The following TMEM144 variants were observed in gnomAD, a reference collection of about 807,000 sequenced individuals.
TMEM144 encodes the protein transmembrane protein 144.
Under a neutral mutation model 43.6 loss-of-function variants are expected in TMEM144, and 39 were observed. The observed-to-expected ratio is 0.90, with a 90% confidence interval of 0.69 to 1.17. The LOEUF (loss-of-function observed/expected upper bound fraction) is 1.17, where lower values mean the gene tolerates loss of function less well. TMEM144 is among the 50% of genes most tolerant of loss of function. The pLI is 0.00. For missense variants in TMEM144, 417 were observed against 411.9 expected (o/e 1.01, Z -0.11); for synonymous variants, 154 against 133.6 (o/e 1.15, Z -1.06).
At chr4:158,248,386 T>G (rs1261037398) in intron 12 of TMEM144, among the ~76,000 whole-genome samples, 1 of 152,142 alleles carries the variant, frequency 6.6e-6, no homozygotes, top group Non-Finnish European at 1.5e-5. Context: ...GAGCCAAGAT[T>G]GCACTCTGGC....
Position 158,217,317 on chromosome 4 carries a change from A to C in TMEM144, c.233-4A>C, listed in dbSNP as rs1372287366. On this transcript the variant is annotated splice_region_variant and splice_polypyrimidine_tract_variant and intron_variant, in intron 4 of 12. Transcript: ENST00000296529. ...CATGTTTCTTCTGTATATTACATCTACAGGGAACATTGCTGTTGTCCCAAT... is the reference window on the plus strand; with the variant it reads ...CATGTTTCTTCTGTATATTACATCTCCAGGGAACATTGCTGTTGTCCCAAT... 3 of 1,594,222 alleles carry C rather than the reference A, an allele frequency of 1.9e-6. No homozygotes were observed. The highest frequency in any genetic ancestry group is 2.6e-6 in the Non-Finnish European group (3 of 1,162,718).
At chr4:158,216,829 C>CAAA (rs111451438) in intron 4 of TMEM144, among the ~76,000 whole-genome samples, 86 of 133,094 alleles carry the variant, frequency 6.5e-4, no homozygotes, top group African/African-American at 2.3e-3. Flanking sequence ...GGACTTGAGA[C>CAAA]AAAAAAAAAA....
chr4:158,233,214 C>G (rs974144920), intron 7 of TMEM144: 5 of 357,920 alleles, frequency 1.4e-5, no homozygotes, highest in Admixed American at 4.4e-5. Flanking sequence ...CAGATCTCTA[C>G]TAGGTGATAT....
chr4:158,215,025 G>A (rs973805681), intron 3 of TMEM144, among the ~76,000 whole-genome samples, 166 bp from the exon 4 acceptor site: 2 of 152,170 alleles, frequency 1.3e-5, no homozygotes, highest in Non-Finnish European at 1.5e-5. Context: ...TTGAGCTAGG[G>A]TTAATTATGT....
chr4:158,250,347 C>A (rs1736141535), intron 12 of TMEM144, among the ~76,000 whole-genome samples: 1 of 151,944 alleles, frequency 6.6e-6, no homozygotes, highest in African/African-American at 2.4e-5. Flanking sequence ...ATTTATTACA[C>A]AAATTTACCT....
intron 6 of TMEM144, among the ~76,000 whole-genome samples, chr4:158,230,507 G>T (rs1735022502): frequency 6.6e-6 from 1 of 151,998 alleles, no homozygotes; most frequent in Admixed American, 6.5e-5. Context: ...AAACACACAG[G>T]TCTATACAGA....
chr4:158,217,240 GTTAGAATAAAAACTAATTCTAT>G, intron 4 of TMEM144, 59 bp from the exon 5 acceptor site: 3 of 982,242 alleles, frequency 3.1e-6, no homozygotes, highest in Non-Finnish European at 4.4e-6. Context: ...TTCAGTTGAA[GTTAGAATAAAAACTAATTCTAT>G]TTATAAATGT....
At chr4:158,232,533 A>G (rs1323902078) in intron 6 of TMEM144, among the ~76,000 whole-genome samples, 1 of 152,254 alleles carries the variant, frequency 6.6e-6, no homozygotes, top group Non-Finnish European at 1.5e-5. Context: ...TCTGTCCCCT[A>G]GCGTTTGTCC....
intron 6 of TMEM144, 74 bp from the exon 7 acceptor site, chr4:158,232,827 T>C: frequency 9.6e-7 from 1 of 1,043,512 alleles, no homozygotes; most frequent in Non-Finnish European, 1.4e-6. Context: ...GTGTGTGTTT[T>C]TTTCTTAAAA....
At position 158,212,747 on chromosome 4, in the gene TMEM144, T is replaced by A. The variant is rs780146189; in HGVS notation, c.80T>A (p.Val27Glu). Residue 27 changes from valine (V) to glutamate (E), a missense_variant, in exon 3 of 13, where the codon GTG (valine) becomes GAG (glutamate). Physicochemically the swap from Val to Glu is moderately radical, Grantham distance 121 (BLOSUM62 -2). Coordinates refer to ENST00000296529, the MANE Select transcript of TMEM144 (RefSeq NM_018342.5). ...ATCCTTTTGTTTGGCTCAAATTTTG[T>A]GCCACTTAAAAAATTTGATACTGGT... ...VAILLFGSNF[V>E]PLKKFDTGDG... 8.1e-6 allele frequency: 13 copies of A among 1,613,754 alleles called. No homozygotes were observed. In the South Asian group the frequency reaches 1.3e-4, roughly 16 times the overall value.
chr4:158,226,852 T>A (rs1249198846), intron 6 of TMEM144, among the ~76,000 whole-genome samples: 1 of 152,146 alleles, frequency 6.6e-6, no homozygotes, highest in Non-Finnish European at 1.5e-5. Context: ...ATTTACCATA[T>A]AATACTCTTT....
At position 158,237,633 on chromosome 4, in the gene TMEM144, A is replaced by G; in HGVS notation, c.672A>G (p.Ala224=). 6.2e-7 allele frequency: 1 copy of G among 1,605,652 alleles called. No homozygotes were observed. Among genetic ancestry groups the G allele is most frequent in the Non-Finnish European group, 8.5e-7 (1 of 1,173,446 alleles). ...GAAATGATAGTATATATGCAGGGGC[A>G]AGCCAATATGGTGAGAATAAAAAGT... ...SKRNDSIYAG[A]SQYDLDYVFA... is the part of the protein sequence containing the mutation. Residue 224 remains alanine (A), a synonymous_variant, in exon 9 of 13, where the codon GCA becomes GCG. Coordinates refer to ENST00000296529, the MANE Select transcript of TMEM144 (RefSeq NM_018342.5).
chr4:158,236,338 A>T (rs1339497525), intron 8 of TMEM144, among the ~76,000 whole-genome samples: 2 of 152,244 alleles, frequency 1.3e-5, no homozygotes, highest in Non-Finnish European at 2.9e-5. Context: ...TTTGCGTCAG[A>T]ATAAAACCAA....
Position 158,219,426 on chromosome 4 carries a change from A to G in TMEM144, c.413+36A>G, listed in dbSNP as rs376689671. ...ATTTCTAGTGATTTTGCTGTTCTTC[A>G]AAACATGGAGAGTGCTTTTTTAAGG... On this transcript the variant is annotated intron_variant, in intron 6 of 12. Coordinates refer to ENST00000296529, the MANE Select transcript of TMEM144 (RefSeq NM_018342.5). The G allele has an allele frequency of 7.3e-4, 1,168 of 1,590,280 alleles. 1 individual carries two copies. Among genetic ancestry groups the G allele is most frequent in the Non-Finnish European group, 8.8e-4 (1,017 of 1,160,046 alleles).
At chr4:158,240,937 C>G (rs1261933272) in intron 10 of TMEM144, among the ~76,000 whole-genome samples, 1 of 152,078 alleles carries the variant, frequency 6.6e-6, no homozygotes, top group Admixed American at 6.5e-5. Context: ...TATTATGATT[C>G]AATTTGGAAT....
At chr4:158,250,692 G>A (rs760219246) in intron 12 of TMEM144, among the ~76,000 whole-genome samples, 3 of 152,176 alleles carry the variant, frequency 2.0e-5, no homozygotes, top group Non-Finnish European at 4.4e-5. Flanking sequence ...TGGCCTGGCT[G>A]TAGGAACCCA....
chr4:158,243,519 C>T (rs577705874), intron 11 of TMEM144, among the ~76,000 whole-genome samples: 7 of 152,226 alleles, frequency 4.6e-5, no homozygotes, highest in African/African-American at 1.7e-4. Flanking sequence ...TACAATACAC[C>T]TTCTCCACAA....
intron 6 of TMEM144, among the ~76,000 whole-genome samples, chr4:158,228,947 G>A (rs192396587): frequency 2.6e-5 from 4 of 152,096 alleles, no homozygotes; most frequent in African/African-American, 4.8e-5. Context: ...GAGCAAGCAG[G>A]GGGTAGTTGA....
rs1192843805 is a variant in TMEM144, at chr4:158,248,145, A to T, written c.954+3796A>T. Among the ~76,000 whole-genome samples, 8 of 146,116 alleles carry T rather than the reference A, an allele frequency of 5.5e-5. No individual in the cohort carries two copies. In the East Asian group the frequency reaches 1.6e-3, roughly 29 times the overall value. ...AATTAAAAAAAAAAAAAAAAAAAAA[A>T]CCTGGGGCCAGGCATGGTGGCTTAT... On this transcript the variant is annotated intron_variant, in intron 12 of 12. Transcript: ENST00000296529.
Sources: gnomAD v4.1 joint callset for allele counts (sites outside exome capture counted in the v4.1 genomes callset) on GRCh38, gnomAD v4.1.1 for gene constraint, MANE v1.5 for transcripts, NCBI Gene and HGNC (gene_info 2026-07-23, HGNC 2026-07-21) for gene names.